Variants in AHI1 observed in about 807,000 individuals in gnomAD.
AHI1 encodes Abelson helper integration site 1.
A neutral mutation model predicts 149.3 loss-of-function variants in AHI1; 123 were observed. That is an observed-to-expected ratio of 0.82 (90% CI 0.71 to 0.96). AHI1 has a LOEUF of 0.96. Ranked by LOEUF, AHI1 falls within the 40% of genes least tolerant of loss-of-function variation. AHI1 has a pLI of 0.00. For synonymous variants in AHI1, 475 were observed against 459.8 expected (o/e 1.03, Z -0.42); for missense variants, 1,439 against 1,422.7 (o/e 1.01, Z -0.18).
At chr6:135,428,236 G>A (rs1784172599) in intron 19 of AHI1, among the ~76,000 whole-genome samples, 1 of 151,578 alleles carries the variant, frequency 6.6e-6, no homozygotes, top group Admixed American at 6.6e-5. Context: ...TCACAGGTAT[G>A]TTTCCGTTAC....
At chr6:135,361,658 C>T (rs914941105) in intron 23 of AHI1, among the ~76,000 whole-genome samples, 37 of 139,764 alleles carry the variant, frequency 2.6e-4, no homozygotes, top group African/African-American at 1.1e-3. Context: ...CACACACACA[C>T]ACACACACAC....
In AHI1 at chr6:135,376,750, C is replaced by T. The variant is rs565041200; in HGVS notation, c.3109+18026G>A. Among the ~76,000 whole-genome samples the T allele has an allele frequency of 2.5e-3, 381 of 151,562 alleles. 6 individuals are homozygous for T. The highest frequency in any genetic ancestry group is 6.9e-3 in the African/African-American group (287 of 41,308). On this transcript the variant is annotated intron_variant, in intron 23 of 28. Coordinates refer to ENST00000265602, the MANE Select transcript of AHI1 (RefSeq NM_001134831.2). ...TACAAAAATTAGCTGGGCTTGGTGA[C>T]GCATGCCTGTAATCCCAGCTACTCG...
chr6:135,285,724 T>C, intron 28 of AHI1, 77 bp from the exon 29 acceptor site: 1 of 1,230,192 alleles, frequency 8.1e-7, no homozygotes, highest in Non-Finnish European at 1.2e-6. Context: ...CTTAGTGTGC[T>C]CAGGCAACAG....
At chr6:135,401,569 G>T (rs1780027184) in intron 22 of AHI1, among the ~76,000 whole-genome samples, 1 of 151,866 alleles carries the variant, frequency 6.6e-6, no homozygotes. Flanking sequence ...TTTGACAAGG[G>T]TGCCAACACC....
rs367887235 is a variant in AHI1, at chr6:135,323,338, A to C, written c.3166-14T>G. On this transcript the variant is annotated splice_polypyrimidine_tract_variant and intron_variant, in intron 24 of 28. Coordinates refer to ENST00000265602, the MANE Select transcript of AHI1 (RefSeq NM_001134831.2). Reference sequence around the variant, plus strand: ...AAGAGCCACTACCTAAGAGAGAGATAAGACCACCACAGCTTTATCACAACT... The same window carrying C: ...AAGAGCCACTACCTAAGAGAGAGATCAGACCACCACAGCTTTATCACAACT... 2.5e-5 allele frequency: 40 copies of C among 1,611,968 alleles called. No homozygotes were observed. The highest frequency in any genetic ancestry group is 3.4e-5 in the Non-Finnish European group (40 of 1,178,896).
Position 135,463,170 on chromosome 6 carries a change from C to T in AHI1, c.886G>A (p.Asp296Asn). 6.2e-7 allele frequency: 1 copy of T among 1,602,528 alleles called. No individual in the cohort carries two copies. The highest frequency in any genetic ancestry group is 8.5e-7 in the Non-Finnish European group (1 of 1,175,944). The change falls in exon 8 of 29, where the codon GAT becomes AAT. Residue 296 changes from aspartate (D) to asparagine (N), a missense_variant. By Grantham distance (23) the Asp-to-Asn change is conservative. Coordinates refer to ENST00000265602, the MANE Select transcript of AHI1 (RefSeq NM_001134831.2). ...GTTTTTTTTGGTTTAGGTTTTGTATCATCTTGCATGCTGTCTTCTGTGCTT... is the reference window on the plus strand; with the variant it reads ...GTTTTTTTTGGTTTAGGTTTTGTATTATCTTGCATGCTGTCTTCTGTGCTT... ...EQSTEDSMQD[D>N]TKPKPKKTKK... is the part of the protein sequence containing the mutation.
At chr6:135,419,399 G>A (rs80209994) in intron 20 of AHI1, among the ~76,000 whole-genome samples, 1 of 151,950 alleles carries the variant, frequency 6.6e-6, no homozygotes, top group South Asian at 2.1e-4. Flanking sequence ...ACAATTTCCC[G>A]ACTGCAGCCT....
rs573886880 is a variant in AHI1, at chr6:135,352,712, TACACAC to T, written c.3165+5414_3165+5419del. 2.1e-3 allele frequency among the ~76,000 whole-genome samples: 308 copies of T among 145,530 alleles called. 2 individuals carry two copies. Among genetic ancestry groups the T allele is most frequent in the Middle Eastern group, 0.014 (4 of 282 alleles). ...GACACATTGTGTGTGTATATATATATACACACACACACACACACACACACAATATAT... is the reference window on the plus strand; with the variant it reads ...GACACATTGTGTGTGTATATATATATACACACACACACACACACAATATAT... On this transcript the variant is annotated intron_variant, in intron 24 of 28. Coordinates refer to ENST00000265602, the MANE Select transcript of AHI1 (RefSeq NM_001134831.2).
At chr6:135,376,756 C>T (rs933187425) in intron 23 of AHI1, among the ~76,000 whole-genome samples, 14 of 151,560 alleles carry the variant, frequency 9.2e-5, no homozygotes, top group Non-Finnish European at 1.5e-4. Context: ...GTGACGCATG[C>T]CTGTAATCCC....
chr6:135,301,096 C>T (rs1352103896), intron 26 of AHI1: 1 of 985,176 alleles, frequency 1.0e-6, no homozygotes, highest in African/African-American at 1.7e-5. Flanking sequence ...CCAAATTTTA[C>T]CCTGAGCATC....
intron 27 of AHI1, among the ~76,000 whole-genome samples, chr6:135,300,056 G>A (rs1337989101): frequency 2.0e-5 from 3 of 152,152 alleles, no homozygotes; most frequent in African/African-American, 7.2e-5. Context: ...CAGGCATGGT[G>A]GCTCATGCCT....
At chr6:135,321,267 A>G (rs910817193) in intron 25 of AHI1, among the ~76,000 whole-genome samples, 2 of 152,226 alleles carry the variant, frequency 1.3e-5, no homozygotes, top group Admixed American at 1.3e-4. Context: ...CGTCTCAGAA[A>G]AAAAAGAAAG....
chr6:135,292,226 C>T (rs1039248756), intron 27 of AHI1, among the ~76,000 whole-genome samples: 4 of 152,072 alleles, frequency 2.6e-5, no homozygotes, highest in Non-Finnish European at 2.9e-5. Flanking sequence ...TAGCTCCTGA[C>T]TTCTAGGCCC....
At chr6:135,362,283 A>G (rs565645263) in intron 23 of AHI1, among the ~76,000 whole-genome samples, 1 of 152,024 alleles carries the variant, frequency 6.6e-6, no homozygotes, top group Non-Finnish European at 1.5e-5. Flanking sequence ...TTGTACAGTG[A>G]CTTTTTTTTC....
chr6:135,442,361 C>T (rs1009631651), intron 14 of AHI1, among the ~76,000 whole-genome samples: 2 of 152,066 alleles, frequency 1.3e-5, no homozygotes, highest in African/African-American at 4.8e-5. Context: ...AATAAATTTA[C>T]CATCTTTCAT....
intron 21 of AHI1, among the ~76,000 whole-genome samples, chr6:135,408,018 G>T (rs1781047971): frequency 6.6e-6 from 1 of 150,876 alleles, no homozygotes; most frequent in Non-Finnish European, 1.5e-5. Flanking sequence ...CTGGGCGACA[G>T]AGTGAGATTC....
chr6:135,371,655 T>G (rs1775080990), intron 23 of AHI1, among the ~76,000 whole-genome samples: 2 of 152,244 alleles, frequency 1.3e-5, no homozygotes, highest in Admixed American at 6.5e-5. Flanking sequence ...TATGTGAACA[T>G]CCTTTCTACT....
chr6:135,330,993 C>T (rs1788510101), intron 24 of AHI1, among the ~76,000 whole-genome samples: 2 of 152,154 alleles, frequency 1.3e-5, no homozygotes, highest in South Asian at 4.1e-4. Context: ...TTAGGTGGCA[C>T]AGTCCTATCC....
chr6:135,355,758 G>T (rs1263947379), intron 24 of AHI1, among the ~76,000 whole-genome samples: 1 of 152,102 alleles, frequency 6.6e-6, no homozygotes, highest in Non-Finnish European at 1.5e-5. Flanking sequence ...AATTAGCTGG[G>T]CGTGGTTGTG....
Sources: gnomAD v4.1 joint callset for allele counts (sites outside exome capture counted in the v4.1 genomes callset) on GRCh38, gnomAD v4.1.1 for gene constraint, MANE v1.5 for transcripts, NCBI Gene and HGNC (gene_info 2026-07-23, HGNC 2026-07-21) for gene names.